Variants in BRAF observed in about 807,000 individuals in gnomAD.
The protein encoded by BRAF is serine/threonine-protein kinase B-raf.
BRAF carries 16 observed loss-of-function variants against 104.6 expected under a neutral mutation model. The observed-to-expected ratio is 0.15, with a 90% CI of 0.10 to 0.23. The LOEUF (loss-of-function observed/expected upper bound fraction) is 0.23, where lower values mean the gene tolerates loss of function less well. Ranked by LOEUF, BRAF falls within the 10% of genes least tolerant of loss-of-function variation. The probability of loss-of-function intolerance (pLI) is 1.00; values close to 1 mark genes in which losing one functional copy is unlikely to be tolerated. For synonymous variants in BRAF, 310 were observed against 341.6 expected, an observed-to-expected ratio of 0.91 and a Z score of 1.02; for missense variants, 541 against 937.3, an observed-to-expected ratio of 0.58 and a Z score of 5.52.
At chr7:140,923,396 T>A (rs1337364972) in intron 1 of BRAF, among the ~76,000 whole-genome samples, 1 of 152,122 alleles carries the variant, frequency 6.6e-6, no homozygotes, top group African/African-American at 2.4e-5. Context: ...TACCAAATAT[T>A]TGTAATAAAT....
Position 140,725,428 on chromosome 7 carries a change from T to C in BRAF, c.*1066A>G. The C allele has an allele frequency of 1.1e-6, 1 of 949,678 alleles. No homozygotes were observed. Among genetic ancestry groups the C allele is most frequent in the Middle Eastern group, 4.8e-4 (1 of 2,072 alleles). 58.8% of individuals were successfully genotyped at this position (949,678 alleles called of 1,614,324 possible). A position where few individuals can be genotyped will look rare whatever the true frequency, so the allele number is the denominator to read the frequency against. On this transcript the variant is annotated 3_prime_UTR_variant, in exon 20 of 20. Coordinates refer to ENST00000644969, the MANE Select transcript of BRAF (RefSeq NM_001374258.1). ...ATATAATTCTGGTGGGAAGTATTGT[T>C]TTTTTCCAATTCAATTAAATCTGAA...
chr7:140,870,858 G>A (rs1331890958), intron 1 of BRAF, among the ~76,000 whole-genome samples: 13 of 141,774 alleles, frequency 9.2e-5, no homozygotes, highest in African/African-American at 3.5e-4. Flanking sequence ...CAAAATCACT[G>A]CCTTTTCTTA....
chr7:140,782,316 A>AT (rs1334877480), intron 11 of BRAF, among the ~76,000 whole-genome samples: 5 of 152,202 alleles, frequency 3.3e-5, no homozygotes, highest in Admixed American at 3.3e-4. Flanking sequence ...AAGGAGCAAG[A>AT]TAAGTGCTGC....
chr7:140,775,219 A>G (rs1469879649), intron 14 of BRAF, among the ~76,000 whole-genome samples: 2 of 152,202 alleles, frequency 1.3e-5, no homozygotes, highest in Admixed American at 6.5e-5. Context: ...TAAAGGTCCT[A>G]AAGAAGGAAC....
At chr7:140,826,982 C>T (rs1412505926) in intron 3 of BRAF, among the ~76,000 whole-genome samples, 1 of 152,158 alleles carries the variant, frequency 6.6e-6, no homozygotes, top group Non-Finnish European at 1.5e-5. Flanking sequence ...TTGTCCAAGA[C>T]ATTAACTTAT....
chr7:140,889,876 T>C (rs1021727145), intron 1 of BRAF, among the ~76,000 whole-genome samples: 2 of 152,170 alleles, frequency 1.3e-5, no homozygotes, highest in Non-Finnish European at 2.9e-5. Context: ...GGGGTTCCAA[T>C]AGCATGGCAG....
At chr7:140,800,146 A>AT in intron 7 of BRAF, 3 of 709,902 alleles carry the variant, frequency 4.2e-6, no homozygotes, top group Non-Finnish European at 4.5e-6. Context: ...CCCAATATTG[A>AT]TTTTTTCAGG....
intron 3 of BRAF, among the ~76,000 whole-genome samples, chr7:140,810,032 AG>A: frequency 6.6e-6 from 1 of 152,298 alleles, no homozygotes; most frequent in Admixed American, 6.5e-5. Flanking sequence ...GGGAGGTGTA[AG>A]AAGAAGGGGA....
At chr7:140,802,263 T>C (rs1803201125) in intron 5 of BRAF, among the ~76,000 whole-genome samples, 2 of 151,800 alleles carry the variant, frequency 1.3e-5, no homozygotes, top group African/African-American at 4.8e-5. Flanking sequence ...TGACCTTGTG[T>C]AGACCTAGGC....
intron 2 of BRAF, 50 bp downstream of exon 2, chr7:140,850,061 T>C (rs986813419): frequency 2.3e-6 from 3 of 1,320,340 alleles, no homozygotes; most frequent in Non-Finnish European, 3.3e-6. Flanking sequence ...TTTTTATAAG[T>C]TCATTTTTTT....
At chr7:140,772,843 T>C (rs1799984525) in intron 14 of BRAF, among the ~76,000 whole-genome samples, 1 of 152,166 alleles carries the variant, frequency 6.6e-6, no homozygotes, top group South Asian at 2.1e-4. Context: ...CCATATAGTG[T>C]TTAACATAAT....
chr7:140,900,857 C>T (rs551431217), intron 1 of BRAF, among the ~76,000 whole-genome samples: 14 of 152,288 alleles, frequency 9.2e-5, no homozygotes, highest in African/African-American at 2.6e-4. Flanking sequence ...GTGATCCAAC[C>T]GCCTTGGCCT....
intron 1 of BRAF, among the ~76,000 whole-genome samples, chr7:140,903,129 T>C (rs1454426463): frequency 6.6e-6 from 1 of 152,072 alleles, no homozygotes; most frequent in African/African-American, 2.4e-5. Context: ...TTTCTCCATG[T>C]TGGCCAGGCT....
intron 6 of BRAF, chr7:140,801,170 G>A: frequency 2.2e-6 from 1 of 453,782 alleles, no homozygotes; most frequent in Admixed American, 3.9e-5. Flanking sequence ...TGGGTTAGGG[G>A]TCTTGATTAA....
intron 7 of BRAF, 138 bp downstream of exon 7, chr7:140,800,224 G>C (rs756953553): frequency 6.9e-6 from 9 of 1,304,182 alleles, no homozygotes; most frequent in Non-Finnish European, 9.8e-6. Flanking sequence ...GTAAATATCT[G>C]AGTGGTATGA....
At position 140,783,261 on chromosome 7, in the gene BRAF, G is replaced by C. The variant is rs71645967; in HGVS notation, c.1298-104C>G. 1.9e-3 allele frequency: 2,618 copies of C among 1,408,252 alleles called. 40 individuals carry two copies. In the African/African-American group the frequency reaches 0.032, roughly 17 times the overall value. The allele number at this position is 1,408,252 out of a possible 1,614,324, so 87.2% of individuals were successfully genotyped here. A position where few individuals can be genotyped will look rare whatever the true frequency, so the allele number is the denominator to read the frequency against. ...TATTTAGACTTAATTTTAAAATGTAGTGCATGTTTAAATATAGACCTTTTG... is the reference window on the plus strand; with the variant it reads ...TATTTAGACTTAATTTTAAAATGTACTGCATGTTTAAATATAGACCTTTTG... On this transcript the variant is annotated intron_variant, in intron 10 of 19. Transcript: ENST00000644969.
intron 19 of BRAF, among the ~76,000 whole-genome samples, chr7:140,727,423 A>C (rs1795665768): frequency 6.6e-6 from 1 of 152,016 alleles, no homozygotes. Flanking sequence ...ACCTCAGGTA[A>C]TCTGCCTGCC....
Position 140,723,158 on chromosome 7 carries a change from C to T in BRAF, c.*3336G>A, listed in dbSNP as rs1038912954. 56 of 1,052,284 alleles carry T rather than the reference C, an allele frequency of 5.3e-5. No individual in the cohort carries two copies. The highest frequency in any genetic ancestry group is 5.6e-5 in the Non-Finnish European group (49 of 871,392). The allele number at this position is 1,052,284 out of a possible 1,614,324, so 65.2% of individuals were successfully genotyped here. ...AGAGATGAGGTTTGCAAGCAGCTGGCGGGTGGATGTACAGTGGGGACAGGT... is the reference window on the plus strand; with the variant it reads ...AGAGATGAGGTTTGCAAGCAGCTGGTGGGTGGATGTACAGTGGGGACAGGT... On this transcript the variant is annotated 3_prime_UTR_variant, in exon 20 of 20. Coordinates refer to ENST00000644969, the MANE Select transcript of BRAF (RefSeq NM_001374258.1).
chr7:140,870,938 C>G (rs1811513321), intron 1 of BRAF, among the ~76,000 whole-genome samples: 1 of 150,656 alleles, frequency 6.6e-6, no homozygotes, highest in African/African-American at 2.4e-5. Context: ...TCAAGAGTAA[C>G]TCAGTCTGGC....
Sources: allele counts gnomAD v4.1 joint callset (sites outside exome capture counted in the v4.1 genomes callset), GRCh38; gene constraint gnomAD v4.1.1; transcripts MANE v1.5; gene names NCBI Gene and HGNC (gene_info 2026-07-23, HGNC 2026-07-21).